Variants in CACNA2D2 observed in about 807,000 individuals in gnomAD.
CACNA2D2 encodes the protein calcium voltage-gated channel auxiliary subunit alpha2delta 2, also known as voltage-dependent calcium channel subunit alpha-2/delta-2.
In CACNA2D2, 48 loss-of-function variants were observed where a neutral mutation model predicts 166.4. The observed-to-expected ratio is 0.29, with a 90% CI of 0.23 to 0.37. The LOEUF (loss-of-function observed/expected upper bound fraction) is 0.37, where lower values mean the gene tolerates loss of function less well. Ranked by LOEUF, CACNA2D2 falls within the 10% of genes least tolerant of loss-of-function variation. CACNA2D2 has a pLI of 1.00. For missense variants in CACNA2D2, 1,122 were observed against 1,433.0 expected, an observed-to-expected ratio of 0.78 and a Z score of 3.50; for synonymous variants, 561 against 573.7, an observed-to-expected ratio of 0.98 and a Z score of 0.32.
chr3:50,423,218 A>AC (rs1224954977), intron 3 of CACNA2D2, among the ~76,000 whole-genome samples: 1 of 152,070 alleles, frequency 6.6e-6, no homozygotes, highest in African/African-American at 2.4e-5. Flanking sequence ...CCCTGCCCTG[A>AC]CCCTGCCTCA....
At chr3:50,432,662 C>T (rs542309518) in intron 3 of CACNA2D2, among the ~76,000 whole-genome samples, 4 of 152,184 alleles carry the variant, frequency 2.6e-5, no homozygotes, top group African/African-American at 7.2e-5. Flanking sequence ...GCCTGCTCCC[C>T]GCTGTCTCCC....
rs375057280 is a variant in CACNA2D2 at position 50,365,833 on chromosome 3, G to C, written c.2892C>G (p.Ala964=). 2 of 1,613,322 alleles carry C rather than the reference G, an allele frequency of 1.2e-6. No individual in the cohort carries two copies. Among genetic ancestry groups the C allele is most frequent in the Non-Finnish European group, 1.7e-6 (2 of 1,180,040 alleles). ...VPTVADFLNL[A]WWTSAAAWSL... ...ACCAGGCGGCAGCAGAGGTCCACCA[G>C]GCCAGGTTAAGGAAATCTGCAACGG... The change falls in exon 33 of 38, where the codon GCC becomes GCG. Residue 964 remains alanine, a synonymous_variant. Coordinates refer to ENST00000424201, the MANE Select transcript of CACNA2D2 (RefSeq NM_006030.4). The surrounding 1 kb of genome is among the most constrained non-coding windows in gnomAD (Gnocchi z 4.5).
chr3:50,364,855 C>T, intron 37 of CACNA2D2, 33 bp downstream of exon 37: 1 of 1,613,216 alleles, frequency 6.2e-7, no homozygotes, highest in Non-Finnish European at 8.5e-7. Context: ...CGCAAGGCCG[C>T]GGGATTTCGG....
intron 4 of CACNA2D2, among the ~76,000 whole-genome samples, chr3:50,389,233 A>G (rs1310138546): frequency 1.3e-5 from 2 of 152,240 alleles, no homozygotes; most frequent in South Asian, 2.1e-4. Flanking sequence ...CGAAGCGCAT[A>G]ATGAAAGCTG....
At chr3:50,409,857 C>T (rs945891537) in intron 3 of CACNA2D2, among the ~76,000 whole-genome samples, 10 of 152,184 alleles carry the variant, frequency 6.6e-5, no homozygotes, top group Non-Finnish European at 1.2e-4. Context: ...ATGGACCCAG[C>T]GGGCACGAGG....
intron 3 of CACNA2D2, among the ~76,000 whole-genome samples, chr3:50,403,716 T>C (rs1706556908): frequency 6.6e-6 from 1 of 152,194 alleles, no homozygotes. Context: ...TCATCTCTCT[T>C]CTACCACACT....
intron 2 of CACNA2D2, among the ~76,000 whole-genome samples, chr3:50,460,723 G>A (rs1282740883): frequency 2.0e-5 from 3 of 152,004 alleles, no homozygotes; most frequent in Non-Finnish European, 4.4e-5. Context: ...GCGTGGTGGC[G>A]GGCACCTGTA....
At position 50,363,271 on chromosome 3, in the gene CACNA2D2, C is replaced by G. The variant is rs1704027598; in HGVS notation, c.*1395G>C. The stretch of plus-strand genomic sequence containing the variant: ...AGTGGGCATGGACCACACACACACA[C>G]TGAGAAAGCGACAAGCAACATGACA... On this transcript the variant is annotated 3_prime_UTR_variant, in exon 38 of 38. Transcript: ENST00000424201. The G allele has an allele frequency of 2.5e-6, 1 of 398,736 alleles. No homozygotes were observed. Among genetic ancestry groups the G allele is most frequent in the Non-Finnish European group, 4.4e-6 (1 of 226,062 alleles). The allele number at this position is 398,736 out of a possible 1,614,324, so 24.7% of individuals were successfully genotyped here.
At chr3:50,465,659 G>A (rs1387850045) in intron 2 of CACNA2D2, among the ~76,000 whole-genome samples, 1 of 152,186 alleles carries the variant, frequency 6.6e-6, no homozygotes, top group Non-Finnish European at 1.5e-5. Flanking sequence ...GGGAGCATGG[G>A]GGACCCTCAC....
intron 1 of CACNA2D2, among the ~76,000 whole-genome samples, chr3:50,484,896 G>C (rs957013325): frequency 6.6e-6 from 1 of 152,266 alleles, no homozygotes; most frequent in Non-Finnish European, 1.5e-5. Context: ...GGCCGGCCAT[G>C]GGGTAGGCAG....
intron 22 of CACNA2D2, among the ~76,000 whole-genome samples, chr3:50,370,833 A>C (rs1459843644): frequency 6.6e-6 from 1 of 152,062 alleles, no homozygotes; most frequent in African/African-American, 2.4e-5. Flanking sequence ...CTCCAAAGAG[A>C]CTTTGAGGAA....
chr3:50,386,762 C>A (rs1025734605), intron 5 of CACNA2D2, among the ~76,000 whole-genome samples: 1 of 152,228 alleles, frequency 6.6e-6, no homozygotes, highest in East Asian at 1.9e-4. Context: ...AATCAGCCAG[C>A]AGTCTAGACA....
At chr3:50,377,563 G>T (rs777446511) in intron 16 of CACNA2D2, 22 bp from the exon 17 acceptor site, 16 of 1,609,474 alleles carry the variant, frequency 9.9e-6, no homozygotes, top group Non-Finnish European at 7.6e-6. Flanking sequence ...AGCATGGGGG[G>T]CTCCTCAGTG....
intron 3 of CACNA2D2, among the ~76,000 whole-genome samples, chr3:50,425,022 G>A (rs541455881): frequency 2.0e-5 from 3 of 152,254 alleles, no homozygotes; most frequent in Middle Eastern, 3.4e-3. Context: ...GGCATCGCTC[G>A]CTATGTATTT....
intron 3 of CACNA2D2, among the ~76,000 whole-genome samples, chr3:50,424,664 C>T (rs1022579252): frequency 2.0e-5 from 3 of 152,186 alleles, no homozygotes; most frequent in African/African-American, 7.2e-5. Flanking sequence ...CGTGCTGTCC[C>T]CGTACCTGGT....
intron 3 of CACNA2D2, among the ~76,000 whole-genome samples, chr3:50,429,592 C>T (rs1197478889): frequency 1.9e-5 from 1 of 52,646 alleles, no homozygotes; most frequent in Non-Finnish European, 3.8e-5. Context: ...ACTAAAAATA[C>T]AAAAAAAAAA....
At chr3:50,441,025 G>A (rs1418940885) in intron 2 of CACNA2D2, among the ~76,000 whole-genome samples, 2 of 152,092 alleles carry the variant, frequency 1.3e-5, no homozygotes, top group African/African-American at 4.8e-5. Flanking sequence ...GCGGGGATAA[G>A]GGACTGCTCA....
chr3:50,406,055 T>C (rs1237388744), intron 3 of CACNA2D2, among the ~76,000 whole-genome samples: 1 of 151,804 alleles, frequency 6.6e-6, no homozygotes, highest in Non-Finnish European at 1.5e-5. Context: ...CCTGGAGCCC[T>C]ATTCAGGTCA....
In CACNA2D2 at chr3:50,379,076, C is replaced by G. The variant is rs1210228575; in HGVS notation, c.1260+16G>C. The G allele has an allele frequency of 1.2e-6, 2 of 1,613,532 alleles. No homozygotes were observed. Among genetic ancestry groups the G allele is most frequent in the Non-Finnish European group, 1.7e-6 (2 of 1,179,704 alleles). ...GGGCCCAGGTCAGGGTAGCCCCTGC[C>G]TCGGTTGAGCCTCACCGTCCGGTTT... On this transcript the variant is annotated intron_variant, in intron 12 of 37. Transcript: ENST00000424201. This position sits in a 1 kb window ranked among gnomAD's most constrained non-coding sequence, Gnocchi z 6.5.
Sources: gnomAD v4.1 joint callset for allele counts (sites outside exome capture counted in the v4.1 genomes callset) on GRCh38, gnomAD v4.1.1 for gene constraint, Gnocchi (gnomAD v3.1) non-coding constraint, MANE v1.5 for transcripts, NCBI Gene and HGNC (gene_info 2026-07-23, HGNC 2026-07-21) for gene names.